Variants in MARCHF1 observed in about 807,000 individuals in gnomAD.
MARCHF1 encodes membrane associated ring-CH-type finger 1.
A neutral mutation model predicts 54.2 loss-of-function variants in MARCHF1; 40 were observed. The ratio of observed to expected loss-of-function variants is 0.74; its 90% CI spans 0.57 to 0.96. The LOEUF (loss-of-function observed/expected upper bound fraction) is 0.96, where lower values mean the gene tolerates loss of function less well. MARCHF1 is among the 40% of genes least tolerant of loss of function. The pLI, the probability that MARCHF1 is intolerant of heterozygous loss-of-function variation, is 0.00. For synonymous variants in MARCHF1, 236 were observed against 236.3 expected (o/e 1.00, Z 0.01); for missense variants, 586 against 656.5 (o/e 0.89, Z 1.17).
chr4:163,869,586 T>C (rs1216474475), intron 3 of MARCHF1, among the ~76,000 whole-genome samples: 1 of 152,120 alleles, frequency 6.6e-6, no homozygotes, highest in Non-Finnish European at 1.5e-5. Flanking sequence ...ATTCTTTCTA[T>C]ATTATCTGTC....
intron 1 of MARCHF1, among the ~76,000 whole-genome samples, chr4:164,112,038 T>G (rs368374328): frequency 4.6e-5 from 7 of 151,818 alleles, no homozygotes; most frequent in South Asian, 2.1e-4. Flanking sequence ...AGGCAAAATT[T>G]TAAAAGTCAA....
intron 5 of MARCHF1, among the ~76,000 whole-genome samples, chr4:163,663,053 G>T (rs1416929973): frequency 6.6e-6 from 1 of 151,870 alleles, no homozygotes; most frequent in East Asian, 1.9e-4. Context: ...CTTCTAACTG[G>T]AGTGTAATAT....
intron 1 of MARCHF1, among the ~76,000 whole-genome samples, chr4:164,156,317 T>TAGTATTTAA (rs1426564142): frequency 3.3e-5 from 5 of 152,160 alleles, no homozygotes; most frequent in Non-Finnish European, 7.3e-5. Context: ...AGTCCCAAAC[T>TAGTATTTAA]AGTATTTAAT....
At chr4:163,963,686 T>C (rs1477592516) in intron 3 of MARCHF1, among the ~76,000 whole-genome samples, 2 of 152,082 alleles carry the variant, frequency 1.3e-5, no homozygotes, top group Non-Finnish European at 2.9e-5. Flanking sequence ...GTAGAATTGA[T>C]GCTATGCTAA....
chr4:164,204,765 A>C (rs2111098863), intron 1 of MARCHF1, among the ~76,000 whole-genome samples: 1 of 152,344 alleles, frequency 6.6e-6, no homozygotes, highest in East Asian at 1.9e-4. Flanking sequence ...TTCAGAGCCA[A>C]GTACTGAGAA....
At chr4:163,783,580 T>C (rs1747531137) in intron 4 of MARCHF1, among the ~76,000 whole-genome samples, 1 of 152,192 alleles carries the variant, frequency 6.6e-6, no homozygotes, top group Non-Finnish European at 1.5e-5. Context: ...GCCTGGGAAA[T>C]GTTGATTTTT....
intron 3 of MARCHF1, among the ~76,000 whole-genome samples, chr4:163,968,753 C>T (rs1752492000): frequency 6.6e-6 from 1 of 152,122 alleles, no homozygotes; most frequent in Non-Finnish European, 1.5e-5. Flanking sequence ...TTTCCTTCCT[C>T]ACTCCTCTTC....
intron 1 of MARCHF1, among the ~76,000 whole-genome samples, chr4:164,337,620 G>A (rs1021263473): frequency 2.6e-5 from 4 of 152,198 alleles, no homozygotes; most frequent in Admixed American, 2.6e-4. Flanking sequence ...TGGGATATCT[G>A]GCATGTGTAC....
intron 2 of MARCHF1, among the ~76,000 whole-genome samples, chr4:164,027,908 A>T (rs1436314551): frequency 4.6e-5 from 7 of 152,170 alleles, no homozygotes; most frequent in African/African-American, 7.2e-5. Flanking sequence ...ATAATCTCAT[A>T]AAAAATGGGC....
At chr4:163,755,803 G>T (rs966980717) in intron 4 of MARCHF1, among the ~76,000 whole-genome samples, 8 of 152,104 alleles carry the variant, frequency 5.3e-5, no homozygotes, top group African/African-American at 1.9e-4. Context: ...AATAACACTG[G>T]TGCTAAATGA....
chr4:163,734,882 T>C (rs1745987702), intron 4 of MARCHF1, among the ~76,000 whole-genome samples: 1 of 152,176 alleles, frequency 6.6e-6, no homozygotes, highest in Non-Finnish European at 1.5e-5. Context: ...AAATCACTCT[T>C]CTGCTCATTG....
At chr4:164,257,659 TA>T (rs1560976920) in intron 1 of MARCHF1, among the ~76,000 whole-genome samples, 1 of 151,772 alleles carries the variant, frequency 6.6e-6, no homozygotes, top group Non-Finnish European at 1.5e-5. Context: ...AACATAGAAA[TA>T]AAAAACATAA....
At chr4:163,830,503 C>G (rs1341551878) in intron 4 of MARCHF1, among the ~76,000 whole-genome samples, 2 of 152,122 alleles carry the variant, frequency 1.3e-5, no homozygotes, top group Admixed American at 1.3e-4. Flanking sequence ...GCTGAGGACC[C>G]TGCACTGGCT....
intron 5 of MARCHF1, among the ~76,000 whole-genome samples, chr4:163,625,386 A>G (rs1487026529): frequency 6.6e-6 from 1 of 152,244 alleles, no homozygotes. Context: ...ACTTTGAGAA[A>G]AAAAGGCCAC....
intron 1 of MARCHF1, among the ~76,000 whole-genome samples, chr4:164,292,629 TA>T (rs1734312324): frequency 6.6e-6 from 1 of 152,186 alleles, no homozygotes; most frequent in Non-Finnish European, 1.5e-5. Context: ...ATGCAATACA[TA>T]GTGTCTCAAC....
chr4:164,153,202 C>A (rs1199959232), intron 1 of MARCHF1, among the ~76,000 whole-genome samples: 2 of 152,086 alleles, frequency 1.3e-5, no homozygotes, highest in Non-Finnish European at 2.9e-5. Flanking sequence ...AACAGAAACA[C>A]ACAAATCTTC....
chr4:163,716,620 G>A (rs73868671), intron 4 of MARCHF1, among the ~76,000 whole-genome samples: 3,507 of 152,254 alleles, frequency 0.023, 72 homozygotes, highest in African/African-American at 0.056. Flanking sequence ...AGTGTTGTTC[G>A]CTCATTTGCA....
intron 2 of MARCHF1, among the ~76,000 whole-genome samples, chr4:164,100,767 G>C (rs1372579524): frequency 6.6e-6 from 1 of 152,220 alleles, no homozygotes; most frequent in East Asian, 1.9e-4. Context: ...AGCCAAGATG[G>C]CCGAATAGGA....
At chr4:163,920,145 C>T (rs1297324854) in intron 3 of MARCHF1, among the ~76,000 whole-genome samples, 1 of 152,104 alleles carries the variant, frequency 6.6e-6, no homozygotes, top group African/African-American at 2.4e-5. Flanking sequence ...AGAATAGAAG[C>T]ACTTAGTGGC....
Sources: gnomAD v4.1 joint callset for allele counts (sites outside exome capture counted in the v4.1 genomes callset) on GRCh38, gnomAD v4.1.1 for gene constraint, MANE v1.5 for transcripts, NCBI Gene and HGNC (gene_info 2026-07-23, HGNC 2026-07-21) for gene names.